GUCY1A2: variants seen among roughly 807,000 people sequenced by gnomAD.
GUCY1A2 encodes the protein guanylate cyclase soluble subunit alpha-2.
A neutral mutation model predicts 63.5 loss-of-function variants in GUCY1A2; 27 were observed. That is an observed-to-expected ratio of 0.43 (90% CI 0.31 to 0.59). The LOEUF is 0.59. GUCY1A2 is among the 20% of genes least tolerant of loss of function. The probability of loss-of-function intolerance (pLI) is 0.11; values close to 1 mark genes in which losing one functional copy is unlikely to be tolerated. For synonymous variants in GUCY1A2, 364 were observed against 343.5 expected, an observed-to-expected ratio of 1.06 and a Z score of -0.66; for missense variants, 768 against 913.3, an observed-to-expected ratio of 0.84 and a Z score of 2.05.
intron 6 of GUCY1A2, among the ~76,000 whole-genome samples, chr11:106,745,574 A>G (rs915049038): frequency 7.2e-5 from 11 of 152,338 alleles, no homozygotes; most frequent in Admixed American, 5.9e-4. Context: ...ACACTGATCA[A>G]TGTTTATTTT....
intron 4 of GUCY1A2, among the ~76,000 whole-genome samples, chr11:106,906,112 G>C (rs1235884033): frequency 6.6e-6 from 1 of 152,114 alleles, no homozygotes; most frequent in Non-Finnish European, 1.5e-5. Context: ...TTAAACTAAA[G>C]AGATTCTGTG....
intron 1 of GUCY1A2, among the ~76,000 whole-genome samples, chr11:106,996,599 A>G (rs1565354654): frequency 1.3e-5 from 2 of 152,236 alleles, no homozygotes. Flanking sequence ...GACACATTTC[A>G]CAGTTACTTC....
At chr11:106,904,334 C>G (rs1860175110) in intron 4 of GUCY1A2, among the ~76,000 whole-genome samples, 1 of 152,062 alleles carries the variant, frequency 6.6e-6, no homozygotes, top group Non-Finnish European at 1.5e-5. Context: ...TCCTTACATA[C>G]AATGACAATG....
rs1862499553 is a variant in GUCY1A2 at position 106,685,020 on chromosome 11, A to G, written c.*2529T>C. On this transcript the variant is annotated 3_prime_UTR_variant, in exon 8 of 8. Transcript: ENST00000526355. ...CAGACATTTTATATAGTACCTCATA[A>G]ACATATATAGCAACATTGTAACTAC... The G allele has an allele frequency of 4.9e-6, 1 of 204,706 alleles. No individual in the cohort carries two copies. Among genetic ancestry groups the G allele is most frequent in the African/African-American group, 2.3e-5 (1 of 43,748 alleles). The allele number at this position is 204,706 out of a possible 1,614,324, so 12.7% of individuals were successfully genotyped here.
At chr11:106,852,395 T>C (rs1859368179) in intron 4 of GUCY1A2, among the ~76,000 whole-genome samples, 1 of 152,126 alleles carries the variant, frequency 6.6e-6, no homozygotes, top group Non-Finnish European at 1.5e-5. Context: ...TCTCAGTTCT[T>C]AGAGGAAAGG....
intron 1 of GUCY1A2, among the ~76,000 whole-genome samples, chr11:107,004,518 A>T (rs1488688057): frequency 2.6e-5 from 4 of 152,270 alleles, no homozygotes; most frequent in African/African-American, 9.6e-5. Flanking sequence ...ATACATCAAT[A>T]AAGTTATATA....
Position 106,939,943 on chromosome 11 carries a change from G to A in GUCY1A2, c.723C>T (p.His241=). 1 of 1,613,762 alleles carries A rather than the reference G, an allele frequency of 6.2e-7. No homozygotes were observed. The highest frequency in any genetic ancestry group is 8.5e-7 in the Non-Finnish European group (1 of 1,179,712). The change falls in exon 4 of 8, where the codon CAC becomes CAT. Residue 241 remains histidine (H), a synonymous_variant. Transcript: ENST00000526355. ...TTGCAAACCCCACAATATGGTGAGG[G>A]TGGAAGTAGTGGAGCATGAGAGTAC... ...PEGTLMLHYF[H]PHHIVGFAML...
At chr11:106,739,025 C>T (rs989415213) in intron 6 of GUCY1A2, among the ~76,000 whole-genome samples, 10 of 152,154 alleles carry the variant, frequency 6.6e-5, no homozygotes, top group Non-Finnish European at 1.5e-5. Flanking sequence ...TATCCACGAG[C>T]ATGGAATGTT....
intron 6 of GUCY1A2, among the ~76,000 whole-genome samples, chr11:106,728,205 A>T (rs182096888): frequency 5.3e-4 from 81 of 152,182 alleles, no homozygotes; most frequent in African/African-American, 1.9e-3. Context: ...ACCTACCTTA[A>T]TTACCTAACA....
chr11:106,916,019 A>C (rs1226232344), intron 4 of GUCY1A2, among the ~76,000 whole-genome samples: 2 of 145,388 alleles, frequency 1.4e-5, no homozygotes, highest in African/African-American at 4.9e-5. Context: ...TAAGGGGATA[A>C]GATACATAAA....
Position 106,979,928 on chromosome 11 carries a change from T to TC in GUCY1A2, c.366-1189dup, listed in dbSNP as rs1861313372. Reference sequence around the variant, plus strand: ...TAGGAAGAGAGTGCTATGGTACTTTTCCCCCTCCCCTCCTAGAAAAGGAGA... The same window carrying TC: ...TAGGAAGAGAGTGCTATGGTACTTTTCCCCCCTCCCCTCCTAGAAAAGGAGA... On this transcript the variant is annotated intron_variant, in intron 2 of 7. Transcript: ENST00000526355. Among the ~76,000 whole-genome samples, 51 of 151,994 alleles carry TC rather than the reference T, an allele frequency of 3.4e-4. 1 individual carries two copies. Among genetic ancestry groups the TC allele is most frequent in the Admixed American group, 3.1e-3 (47 of 15,254 alleles).
chr11:106,717,699 CAGAA>C (rs1377272712), intron 6 of GUCY1A2, among the ~76,000 whole-genome samples: 5 of 152,136 alleles, frequency 3.3e-5, no homozygotes, highest in Admixed American at 3.3e-4. Flanking sequence ...ACTGCTTTAA[CAGAA>C]AGGAGCTTAA....
At chr11:106,845,750 A>G (rs1027881701) in intron 4 of GUCY1A2, among the ~76,000 whole-genome samples, 1 of 151,674 alleles carries the variant, frequency 6.6e-6, no homozygotes, top group Non-Finnish European at 1.5e-5. Flanking sequence ...CATTTTGCCA[A>G]CACGAATACA....
At chr11:106,724,772 T>A (rs1268166632) in intron 6 of GUCY1A2, among the ~76,000 whole-genome samples, 1 of 152,182 alleles carries the variant, frequency 6.6e-6, no homozygotes, top group East Asian at 1.9e-4. Context: ...ACAATACAGA[T>A]GTGAGCATCA....
In GUCY1A2 at chr11:106,687,540, T is replaced by C; in HGVS notation, c.*9A>G. The C allele has an allele frequency of 6.2e-7, 1 of 1,604,454 alleles. No individual in the cohort carries two copies. The highest frequency in any genetic ancestry group is 8.5e-7 in the Non-Finnish European group (1 of 1,171,210). On this transcript the variant is annotated 3_prime_UTR_variant, in exon 8 of 8. Transcript: ENST00000526355. ...GCTTTTTGGAGGAGTCTTTGATCTGTAGCAGGTCTCAGAGGCTTGTCTCCC... is the reference window on the plus strand; with the variant it reads ...GCTTTTTGGAGGAGTCTTTGATCTGCAGCAGGTCTCAGAGGCTTGTCTCCC...
intron 1 of GUCY1A2, among the ~76,000 whole-genome samples, chr11:107,015,443 G>T (rs1171107517): frequency 1.3e-5 from 2 of 151,634 alleles, no homozygotes; most frequent in East Asian, 3.9e-4. Flanking sequence ...AGAAAATACT[G>T]CATTTCTCAG....
rs184572672 is a variant in GUCY1A2 at position 106,899,781 on chromosome 11, A to C, written c.1206+39679T>G. ...CATAGAGCCTCTGAAACACACACAT[A>C]TGCCCTACATTAAGAATCTATGGCC... is the stretch of plus-strand genomic sequence containing the variant. On this transcript the variant is annotated intron_variant, in intron 4 of 7. Coordinates refer to ENST00000526355, the MANE Select transcript of GUCY1A2 (RefSeq NM_000855.3). Among the ~76,000 whole-genome samples the C allele has an allele frequency of 3.5e-3, 531 of 152,246 alleles. 5 individuals are homozygous for C. Among genetic ancestry groups the C allele is most frequent in the African/African-American group, 0.012 (494 of 41,558 alleles).
intron 5 of GUCY1A2, among the ~76,000 whole-genome samples, chr11:106,781,526 G>A (rs1864463266): frequency 6.6e-6 from 1 of 152,030 alleles, no homozygotes; most frequent in African/African-American, 2.4e-5. Context: ...AGAAATAAAG[G>A]TGGTGTAAAT....
At chr11:106,818,121 T>C (rs886294285) in intron 4 of GUCY1A2, among the ~76,000 whole-genome samples, 1 of 152,176 alleles carries the variant, frequency 6.6e-6, no homozygotes, top group African/African-American at 2.4e-5. Context: ...AATTGTGGTA[T>C]GGATTGTGGT....
Sources: gnomAD v4.1 joint callset for allele counts (sites outside exome capture counted in the v4.1 genomes callset) on GRCh38, gnomAD v4.1.1 for gene constraint, MANE v1.5 for transcripts, NCBI Gene and HGNC (gene_info 2026-07-23, HGNC 2026-07-21) for gene names.